SNED1: variants seen among roughly 807,000 people sequenced by gnomAD.
The protein encoded by SNED1 is sushi, nidogen and EGF like domains 1.
A neutral mutation model predicts 166.7 loss-of-function variants in SNED1; 81 were observed. That is an observed-to-expected ratio of 0.49 (90% CI 0.41 to 0.58). The LOEUF (loss-of-function observed/expected upper bound fraction) is 0.58, where lower values mean the gene tolerates loss of function less well. Ranked by LOEUF, SNED1 falls within the 20% of genes least tolerant of loss-of-function variation. The pLI is 0.00. For synonymous variants in SNED1, 762 were observed against 822.0 expected, an observed-to-expected ratio of 0.93 and a Z score of 1.25; for missense variants, 1,604 against 2,000.2, an observed-to-expected ratio of 0.80 and a Z score of 3.78.
At position 241,053,293 on chromosome 2, in the gene SNED1, C is replaced by A. The variant is rs1456310079; in HGVS notation, c.2224C>A (p.His742Asn). Residue 742 changes from histidine to asparagine, a missense_variant, in exon 16 of 32, where the codon CAC becomes AAC. By Grantham distance (68) the His-to-Asn change is moderately conservative. Coordinates refer to ENST00000310397, the MANE Select transcript of SNED1 (RefSeq NM_001080437.3). ...CAGCCGCATCCGGGTCTGCCAGCCA[C>A]ACGGTGTCTGGAGTGAGCCTCCCCA... ...APSRIRVCQP[H>N]GVWSEPPQCL... is the part of the protein sequence containing the mutation. The A allele has an allele frequency of 6.3e-7, 1 of 1,598,266 alleles. No homozygotes were observed. The highest frequency in any genetic ancestry group is 8.5e-7 in the Non-Finnish European group (1 of 1,171,630).
At chr2:241,074,605 A>T (rs2062933313) in intron 27 of SNED1, 1 of 152,178 alleles carries the variant, frequency 6.6e-6, no homozygotes, top group Non-Finnish European at 1.5e-5. Flanking sequence ...CCCTGAGGTC[A>T]CCACGGTCAT....
In SNED1 at chr2:241,088,427, A is replaced by G. The variant is rs971787653; in HGVS notation, c.*1+25A>G. ...GGTACGTCCCTGCTGCTCCCGCCCC[A>G]CTACCACAGAGCTGCTGGGAAGTGG... On this transcript the variant is annotated intron_variant, in intron 31 of 31. Coordinates refer to ENST00000310397, the MANE Select transcript of SNED1 (RefSeq NM_001080437.3). 3.1e-6 allele frequency: 5 copies of G among 1,596,324 alleles called. No individual in the cohort carries two copies. The African/African-American group carries it at 5.4e-5, about 17-fold the overall frequency.
chr2:241,068,769 CCTCGTGG>C lies in SNED1; in HGVS notation c.3195-141_3195-135del, dbSNP rs1157958184. 1 of 624,318 alleles carries C rather than the reference CCTCGTGG, an allele frequency of 1.6e-6. No individual in the cohort carries two copies. Among genetic ancestry groups the C allele is most frequent in the Non-Finnish European group, 2.9e-6 (1 of 349,574 alleles). The allele number at this position is 624,318 out of a possible 1,614,324, so 38.7% of individuals were successfully genotyped here. ...CGGCTCTGAGGGCCATGAGTCTGCC[CCTCGTGG>C]AGGTTGCCTGGGCCACCAGCAGCAG... On this transcript the variant is annotated intron_variant, in intron 22 of 31. Coordinates refer to ENST00000310397, the MANE Select transcript of SNED1 (RefSeq NM_001080437.3). This position sits in a 1 kb window ranked among gnomAD's most constrained non-coding sequence, Gnocchi z 5.3.
intron 16 of SNED1, among the ~76,000 whole-genome samples, chr2:241,053,754 G>A (rs2061953406): frequency 6.6e-6 from 1 of 152,192 alleles, no homozygotes; most frequent in East Asian, 1.9e-4. Context: ...GAGGAGTGCT[G>A]CTCCAGAGAG....
chr2:241,034,917 C>A (rs1361536746), intron 4 of SNED1, among the ~76,000 whole-genome samples, 187 bp downstream of exon 4: 2 of 152,138 alleles, frequency 1.3e-5, no homozygotes, highest in Non-Finnish European at 2.9e-5. Flanking sequence ...CCTCAGCTTC[C>A]CCTAGAGAAG....
At chr2:241,020,696 C>T (rs559356094) in intron 1 of SNED1, among the ~76,000 whole-genome samples, 10 of 152,264 alleles carry the variant, frequency 6.6e-5, no homozygotes, top group African/African-American at 2.4e-4. Context: ...TACAAGTGCT[C>T]GCTGCAGGCC....
At chr2:241,031,756 G>A (rs1429070736) in intron 2 of SNED1, among the ~76,000 whole-genome samples, 5 of 152,178 alleles carry the variant, frequency 3.3e-5, no homozygotes, top group African/African-American at 7.2e-5. Flanking sequence ...TTTGTTTTCC[G>A]AGTGTTAGCA....
At chr2:241,072,994 A>G (rs958339037) in intron 26 of SNED1, 3 of 492,680 alleles carry the variant, frequency 6.1e-6, no homozygotes, top group Non-Finnish European at 1.1e-5. Context: ...GGGGCCTCTC[A>G]GCATGATCAG....
chr2:241,017,367 A>G (rs185899591), intron 1 of SNED1, among the ~76,000 whole-genome samples: 257 of 152,346 alleles, frequency 1.7e-3, no homozygotes, highest in Admixed American at 2.7e-3. Flanking sequence ...GAGGGGACCA[A>G]GGAGACGCCG....
At chr2:241,072,513 T>G in intron 26 of SNED1, 2 of 339,234 alleles carry the variant, frequency 5.9e-6, no homozygotes, top group Non-Finnish European at 5.8e-6. Flanking sequence ...GTGGTCATCC[T>G]CATGGAACTC....
intron 1 of SNED1, among the ~76,000 whole-genome samples, chr2:241,015,140 C>T (rs978788417): frequency 2.6e-5 from 4 of 152,194 alleles, no homozygotes; most frequent in Admixed American, 6.5e-5. Context: ...GTTACACACA[C>T]GTATACACAC....
intron 2 of SNED1, among the ~76,000 whole-genome samples, chr2:241,032,641 T>TA (rs1269328417): frequency 6.6e-6 from 1 of 152,032 alleles, no homozygotes; most frequent in Admixed American, 6.5e-5. Flanking sequence ...TAATAAAAAA[T>TA]AAAAAATAAT....
At chr2:241,089,947 A>G (rs2125345385) in intron 31 of SNED1, 1 of 1,543,814 alleles carries the variant, frequency 6.5e-7, no homozygotes, top group East Asian at 2.4e-5. Context: ...AACCTACAGT[A>G]AAAATAGATA....
chr2:241,065,811 G>A (rs1197097244), intron 21 of SNED1, among the ~76,000 whole-genome samples: 1 of 152,212 alleles, frequency 6.6e-6, no homozygotes, highest in Non-Finnish European at 1.5e-5. Flanking sequence ...CATGGGATTG[G>A]GGCGCATAGA....
At chr2:241,065,875 G>T (rs112075453) in intron 21 of SNED1, among the ~76,000 whole-genome samples, 171 of 152,002 alleles carry the variant, frequency 1.1e-3, no homozygotes, top group African/African-American at 3.8e-3. Context: ...TAGGAAGTGG[G>T]ACTGGGGAGG....
chr2:241,051,641 C>T lies in SNED1; in HGVS notation c.1736-103C>T, dbSNP rs553841002. On this transcript the variant is annotated intron_variant, in intron 12 of 31. Coordinates refer to ENST00000310397, the MANE Select transcript of SNED1 (RefSeq NM_001080437.3). The surrounding 1 kb of genome is among the most constrained non-coding windows in gnomAD (Gnocchi z 4.7). ...AGGCCCCAGGGCTTCGTCGAGAAGG[C>T]CCCACCAGCACCAGAGGACTGAGGA... 28 of 934,892 alleles carry T rather than the reference C, an allele frequency of 3.0e-5. No individual in the cohort carries two copies. The East Asian group carries it at 6.9e-4, about 23-fold the overall frequency. The allele number at this position is 934,892 out of a possible 1,614,324, so 57.9% of individuals were successfully genotyped here. A position where few individuals can be genotyped will look rare whatever the true frequency, so the allele number is the denominator to read the frequency against.
chr2:241,054,117 T>C (rs2061967245), intron 16 of SNED1, among the ~76,000 whole-genome samples: 1 of 118,088 alleles, frequency 8.5e-6, no homozygotes, highest in African/African-American at 4.0e-5. Flanking sequence ...GCATCCCTCC[T>C]TTCCTTCTGG....
chr2:241,059,130 G>C (rs1004791429), intron 16 of SNED1, among the ~76,000 whole-genome samples: 3 of 152,136 alleles, frequency 2.0e-5, no homozygotes, highest in Non-Finnish European at 2.9e-5. Flanking sequence ...AGCAATTTTA[G>C]GCCAATGTAT....
At position 241,070,106 on chromosome 2, in the gene SNED1, T is replaced by C; in HGVS notation, c.3494T>C (p.Leu1165Pro). ...GCGTCCTACACGGTGCGCGACCTGC[T>C]GCCGGGACGGCGGTACCAGCTCTCT... ...KLASYTVRDL[L>P]PGRRYQLSVI... The change falls in exon 24 of 32, where the codon CTG (leucine) becomes CCG (proline). Residue 1165 changes from leucine to proline, a missense_variant. By Grantham distance (98) the Leu-to-Pro change is moderately conservative. This residue lies in a region of SNED1 where 367 missense variants were observed against 379.4 expected (regional missense o/e 0.97). Transcript: ENST00000310397. The C allele has an allele frequency of 6.2e-7, 1 of 1,612,952 alleles. No individual in the cohort carries two copies. Among genetic ancestry groups the C allele is most frequent in the Non-Finnish European group, 8.5e-7 (1 of 1,179,868 alleles).
Sources: allele counts gnomAD v4.1 joint callset (sites outside exome capture counted in the v4.1 genomes callset), GRCh38; gene constraint gnomAD v4.1.1; regional missense constraint gnomAD v4.1.1; non-coding constraint Gnocchi (gnomAD v3.1); transcripts MANE v1.5; gene names NCBI Gene and HGNC (gene_info 2026-07-23, HGNC 2026-07-21).